ATP2C1: variants seen among roughly 807,000 people sequenced by gnomAD.
The protein encoded by ATP2C1 is ATPase secretory pathway Ca2+ transporting 1.
A neutral mutation model predicts 120.5 loss-of-function variants in ATP2C1; 31 were observed. The ratio of observed to expected loss-of-function variants is 0.26; its 90% confidence interval spans 0.19 to 0.35. The LOEUF is 0.35. Ranked by LOEUF, ATP2C1 falls within the 10% of genes least tolerant of loss-of-function variation. The pLI is 1.00. For synonymous variants in ATP2C1, 351 were observed against 358.7 expected (o/e 0.98, Z 0.24); for missense variants, 731 against 1,107.5 (o/e 0.66, Z 4.83).
chr3:130,871,555 C>T (rs954124691), intron 1 of ATP2C1, among the ~76,000 whole-genome samples: 2 of 152,196 alleles, frequency 1.3e-5, no homozygotes, highest in African/African-American at 2.4e-5. Context: ...TTTCCAAAAT[C>T]AAAGCTGACA....
intron 2 of ATP2C1, among the ~76,000 whole-genome samples, chr3:130,902,297 G>GTTTTTTTTTTTTTTTTT (rs398052267): frequency 3.0e-4 from 4 of 13,252 alleles, no homozygotes; most frequent in African/African-American, 8.2e-4. Context: ...TTTTTTTTTT[G>GTTTTTTTTTTTTTTTTT]TTTTTTTTTT....
In ATP2C1 at chr3:130,964,096, G is replaced by T; in HGVS notation, c.1024+1G>T. The T allele has an allele frequency of 6.2e-7, 1 of 1,611,806 alleles. No homozygotes were observed. Among genetic ancestry groups the T allele is most frequent in the African/African-American group, 1.3e-5 (1 of 74,894 alleles). On this transcript the variant is annotated splice_donor_variant, in intron 13 of 27. Coordinates refer to ENST00000510168, the MANE Select transcript of ATP2C1 (RefSeq NM_001378687.1). LOFTEE classifies it high-confidence loss of function. ...AAGCTGCCTATTGTTGAAACTCTGG[G>T]TAAGTCTGTGTTAAGAGCATTCTTA...
chr3:130,939,926 A>G (rs547159768), intron 6 of ATP2C1, among the ~76,000 whole-genome samples: 1 of 152,286 alleles, frequency 6.6e-6, no homozygotes, highest in Non-Finnish European at 1.5e-5. Context: ...TTTGCTTACT[A>G]CAGACATGAG....
Position 130,994,378 on chromosome 3 carries a change from C to T in ATP2C1, c.2057+280C>T, listed in dbSNP as rs149656248. 2.3e-4 allele frequency among the ~76,000 whole-genome samples: 35 copies of T among 152,158 alleles called. 1 individual carries two copies. Among genetic ancestry groups the T allele is most frequent in the African/African-American group, 8.2e-4 (34 of 41,500 alleles). On this transcript the variant is annotated intron_variant, in intron 22 of 27. Transcript: ENST00000510168. ...ACTAATATGATGGTATAGTAATGGCCTTTATTTTAGTTAAATTCAGGTAGT... is the reference window on the plus strand; with the variant it reads ...ACTAATATGATGGTATAGTAATGGCTTTTATTTTAGTTAAATTCAGGTAGT...
At chr3:130,917,535 T>C (rs1434275454) in intron 2 of ATP2C1, among the ~76,000 whole-genome samples, 1 of 152,256 alleles carries the variant, frequency 6.6e-6, no homozygotes. Context: ...TACATGGTAG[T>C]GTGTGCTAAA....
rs370228286 is a variant in ATP2C1 at position 130,988,623 on chromosome 3, A to G, written c.1840-4328A>G. On this transcript the variant is annotated intron_variant, in intron 20 of 27. Coordinates refer to ENST00000510168, the MANE Select transcript of ATP2C1 (RefSeq NM_001378687.1). ...CACGACCAGCAAGAAGCAGCTACAG[A>G]AAATTGATCCTCAGTGCCTCTGCCT... Among the ~76,000 whole-genome samples, 3 of 152,166 alleles carry G rather than the reference A, an allele frequency of 2.0e-5. No individual in the cohort carries two copies. The South Asian group carries it at 6.2e-4, about 32-fold the overall frequency.
intron 1 of ATP2C1, among the ~76,000 whole-genome samples, chr3:130,874,483 C>T (rs1292878579): frequency 1.3e-5 from 2 of 152,154 alleles, no homozygotes; most frequent in African/African-American, 2.4e-5. Flanking sequence ...ATACTCTTCA[C>T]TTTTATAGGA....
intron 12 of ATP2C1, chr3:130,963,678 C>A (rs1437319186): frequency 7.7e-6 from 3 of 391,478 alleles, no homozygotes. Flanking sequence ...CAGTAAACTA[C>A]AGAGCTAGAT....
chr3:130,944,742 T>G (rs896192868), intron 8 of ATP2C1, among the ~76,000 whole-genome samples: 4 of 152,230 alleles, frequency 2.6e-5, no homozygotes, highest in African/African-American at 7.2e-5. Flanking sequence ...GTTTTTCCCT[T>G]GCCTGTGTCA....
At chr3:130,912,213 C>T (rs1264118642) in intron 2 of ATP2C1, among the ~76,000 whole-genome samples, 2 of 127,766 alleles carry the variant, frequency 1.6e-5, no homozygotes, top group Non-Finnish European at 3.3e-5. Flanking sequence ...ATGTCCAAAA[C>T]ACCAAAAGCA....
intron 2 of ATP2C1, among the ~76,000 whole-genome samples, chr3:130,926,799 T>C (rs2059228880): frequency 6.6e-6 from 1 of 152,270 alleles, no homozygotes; most frequent in Non-Finnish European, 1.5e-5. Context: ...GTTCTTTCGC[T>C]GTTTTCCTAT....
At chr3:130,967,073 G>T in intron 14 of ATP2C1, 72 bp from the exon 15 acceptor site, 1 of 1,025,812 alleles carries the variant, frequency 9.7e-7, no homozygotes, top group Non-Finnish European at 1.6e-6. Flanking sequence ...TATAGTTTTT[G>T]GGTTTTATAG....
intron 17 of ATP2C1, among the ~76,000 whole-genome samples, chr3:130,969,978 C>T (rs1276569648): frequency 6.6e-6 from 1 of 152,142 alleles, no homozygotes; most frequent in Non-Finnish European, 1.5e-5. Context: ...TTATATCACT[C>T]ATAGTTGCTA....
At chr3:130,971,297 G>A (rs933154248) in intron 17 of ATP2C1, among the ~76,000 whole-genome samples, 3 of 152,088 alleles carry the variant, frequency 2.0e-5, no homozygotes, top group African/African-American at 7.2e-5. Context: ...TTGTGGGAGT[G>A]GGGGACAGAA....
At chr3:130,893,734 G>T (rs115829719), upstream of ATP2C1, among the ~76,000 whole-genome samples, 1,136 of 152,320 alleles carry the variant, frequency 7.5e-3, 13 homozygotes, top group African/African-American at 0.026. Flanking sequence ...ATGCGTGGCC[G>T]ACACGGGGCG....
At chr3:131,006,115 ATTTG>A (rs1303026535), downstream of ATP2C1, among the ~76,000 whole-genome samples, 2 of 152,242 alleles carry the variant, frequency 1.3e-5, no homozygotes, top group Admixed American at 6.5e-5. Context: ...TTGGTTTTTC[ATTTG>A]TTTGTTTTTT....
intron 1 of ATP2C1, among the ~76,000 whole-genome samples, chr3:130,887,755 A>G (rs566176312): frequency 6.6e-6 from 1 of 152,338 alleles, no homozygotes; most frequent in East Asian, 1.9e-4. Context: ...AGGGAAGGTC[A>G]TGAAATGCCA....
At chr3:130,911,608 A>C (rs545018961) in intron 2 of ATP2C1, among the ~76,000 whole-genome samples, 4 of 152,332 alleles carry the variant, frequency 2.6e-5, no homozygotes, top group African/African-American at 4.8e-5. Flanking sequence ...TTGAGGATAC[A>C]AACAAATGGA....
At chr3:130,854,510 G>A (rs975221069) in intron 1 of ATP2C1, among the ~76,000 whole-genome samples, 2 of 152,190 alleles carry the variant, frequency 1.3e-5, no homozygotes, top group Admixed American at 6.5e-5. Context: ...AGACTTGCAG[G>A]CAATGTTCCC....
Sources: allele counts gnomAD v4.1 joint callset (sites outside exome capture counted in the v4.1 genomes callset), GRCh38; gene constraint gnomAD v4.1.1; transcripts MANE v1.5; gene names NCBI Gene and HGNC (gene_info 2026-07-23, HGNC 2026-07-21).